KCNG3: variants seen among roughly 807,000 people sequenced by gnomAD.
The protein encoded by KCNG3 is voltage-gated potassium channel regulatory subunit KCNG3.
In KCNG3, 15 loss-of-function variants were observed where a neutral mutation model predicts 29.0. The observed-to-expected ratio is 0.52, with a 90% CI of 0.35 to 0.80. The LOEUF (loss-of-function observed/expected upper bound fraction) is 0.80, where lower values mean the gene tolerates loss of function less well. KCNG3 is among the 30% of genes least tolerant of loss of function. The probability of loss-of-function intolerance (pLI) is 0.01; values close to 1 mark genes in which losing one functional copy is unlikely to be tolerated. For synonymous variants in KCNG3, 322 were observed against 248.9 expected (o/e 1.29, Z -2.76); for missense variants, 512 against 605.7 (o/e 0.85, Z 1.62).
At chr2:42,431,333 T>A in the KCNG3 span, among the ~76,000 whole-genome samples, 1 of 152,140 alleles carries the variant, frequency 6.6e-6, no homozygotes, top group African/African-American at 2.4e-5. Context: ...CTGAGCATTT[T>A]AAATAAATAT....
chr2:42,439,543 G>A (rs575556605), downstream of KCNG3, among the ~76,000 whole-genome samples: 19 of 150,218 alleles, frequency 1.3e-4, no homozygotes, highest in East Asian at 2.9e-3. Flanking sequence ...GATTACAGGC[G>A]TGAGCCACCA....
At chr2:42,492,010 A>C (rs979841685) in intron 1 of KCNG3, among the ~76,000 whole-genome samples, 1 of 152,246 alleles carries the variant, frequency 6.6e-6, no homozygotes, top group Admixed American at 6.5e-5. Context: ...TACTAAAAAC[A>C]GGAAAGTGCT....
chr2:42,464,189 T>G (rs1014187530), intron 1 of KCNG3, among the ~76,000 whole-genome samples: 1 of 152,212 alleles, frequency 6.6e-6, no homozygotes, highest in Non-Finnish European at 1.5e-5. Context: ...ACTTAACTAC[T>G]GTGTACTAGG....
the KCNG3 span, among the ~76,000 whole-genome samples, chr2:42,411,007 A>T: frequency 4.4e-3 from 670 of 152,298 alleles, 16 homozygotes; most frequent in Admixed American, 0.031. Context: ...TTTTCCAGAT[A>T]ACTTTCTGAC....
At chr2:42,476,167 A>C (rs1039556767) in intron 1 of KCNG3, among the ~76,000 whole-genome samples, 1 of 152,038 alleles carries the variant, frequency 6.6e-6, no homozygotes, top group African/African-American at 2.4e-5. Flanking sequence ...ATGTCTCTTT[A>C]TCTGTTACAA....
chr2:42,398,059 T>C, the KCNG3 span, among the ~76,000 whole-genome samples: 1 of 151,876 alleles, frequency 6.6e-6, no homozygotes, highest in African/African-American at 2.4e-5. Flanking sequence ...CTGTCTCTAC[T>C]AGAAATACAA....
chr2:42,476,069 T>C (rs1226110624), intron 1 of KCNG3, among the ~76,000 whole-genome samples: 1 of 150,062 alleles, frequency 6.7e-6, no homozygotes, highest in Non-Finnish European at 1.5e-5. Context: ...CCGTCTCATA[T>C]AATAATAATA....
At chr2:42,474,513 C>G (rs1456179712) in intron 1 of KCNG3, among the ~76,000 whole-genome samples, 6 of 152,116 alleles carry the variant, frequency 3.9e-5, no homozygotes, top group African/African-American at 1.4e-4. Context: ...GGTGACAGAG[C>G]AAGACTCCAT....
At chr2:42,396,079 G>A in the KCNG3 span, among the ~76,000 whole-genome samples, 2 of 152,046 alleles carry the variant, frequency 1.3e-5, no homozygotes, top group Non-Finnish European at 2.9e-5. Context: ...CTTATACAAA[G>A]CCTATTTTAT....
At chr2:42,397,008 C>T in the KCNG3 span, among the ~76,000 whole-genome samples, 2 of 152,140 alleles carry the variant, frequency 1.3e-5, no homozygotes, top group African/African-American at 2.4e-5. Context: ...CCTGTAATCC[C>T]AGCACTTTGG....
chr2:42,479,227 A>G (rs2033272109), intron 1 of KCNG3, among the ~76,000 whole-genome samples: 1 of 152,172 alleles, frequency 6.6e-6, no homozygotes, highest in African/African-American at 2.4e-5. Context: ...TTCTTTCTCT[A>G]GGATAGATAC....
At chr2:42,447,380 T>G (rs940866322) in intron 1 of KCNG3, among the ~76,000 whole-genome samples, 3 of 152,194 alleles carry the variant, frequency 2.0e-5, no homozygotes, top group Non-Finnish European at 4.4e-5. Context: ...TTGGTTAATA[T>G]ATCTTGGAGG....
chr2:42,434,666 CAAAAAAAAAA>C, the KCNG3 span, among the ~76,000 whole-genome samples: 2 of 64,694 alleles, frequency 3.1e-5, no homozygotes, highest in South Asian at 7.9e-4. Context: ...AACTCCATCT[CAAAAAAAAAA>C]AAAAAAAAAA....
At chr2:42,452,654 T>C (rs956527596) in intron 1 of KCNG3, among the ~76,000 whole-genome samples, 3 of 152,160 alleles carry the variant, frequency 2.0e-5, no homozygotes, top group Non-Finnish European at 4.4e-5. Context: ...TTTATTTCAC[T>C]GAAAAAAATG....
chr2:42,438,938 G>C (rs1379764013), downstream of KCNG3, among the ~76,000 whole-genome samples: 6 of 152,132 alleles, frequency 3.9e-5, no homozygotes. Flanking sequence ...AACAGACACA[G>C]AAGTAAATGG....
the KCNG3 span, among the ~76,000 whole-genome samples, chr2:42,393,341 A>T: frequency 6.6e-6 from 1 of 151,818 alleles, no homozygotes; most frequent in African/African-American, 2.4e-5. Context: ...TGGGCAGATC[A>T]CTTGAGGTCA....
At chr2:42,455,394 G>C (rs1289136199) in intron 1 of KCNG3, among the ~76,000 whole-genome samples, 1 of 152,152 alleles carries the variant, frequency 6.6e-6, no homozygotes, top group African/African-American at 2.4e-5. Context: ...GAACGAGATT[G>C]TTCCTGTCAT....
chr2:42,405,327 G>C, the KCNG3 span, among the ~76,000 whole-genome samples: 1 of 151,784 alleles, frequency 6.6e-6, no homozygotes, highest in African/African-American at 2.4e-5. Flanking sequence ...AATTGCTTTT[G>C]GTTTTGTTGA....
the KCNG3 span, among the ~76,000 whole-genome samples, chr2:42,418,044 AT>A: frequency 6.6e-6 from 1 of 151,980 alleles, no homozygotes; most frequent in Non-Finnish European, 1.5e-5. Context: ...CAAAATCACC[AT>A]TTTAACTGTT....
Sources: allele counts gnomAD v4.1 joint callset (sites outside exome capture counted in the v4.1 genomes callset), GRCh38; gene constraint gnomAD v4.1.1; transcripts MANE v1.5; gene names NCBI Gene and HGNC (gene_info 2026-07-23, HGNC 2026-07-21).